LUZP2: variants seen among roughly 807,000 people sequenced by gnomAD.
LUZP2 encodes the protein leucine zipper protein 2.
Under a neutral mutation model 51.6 loss-of-function variants are expected in LUZP2, and 52 were observed. That is an observed-to-expected ratio of 1.01 (90% CI 0.81 to 1.27). The LOEUF is 1.27. Ranked by LOEUF, LUZP2 falls within the 50% of genes most tolerant of loss-of-function variation. The pLI, the probability that LUZP2 is intolerant of heterozygous loss-of-function variation, is 0.00. For missense variants in LUZP2, 436 were observed against 395.4 expected, an observed-to-expected ratio of 1.10 and a Z score of -0.87; for synonymous variants, 154 against 137.3, an observed-to-expected ratio of 1.12 and a Z score of -0.85.
intron 3 of LUZP2, among the ~76,000 whole-genome samples, chr11:24,737,323 G>T (rs948770107): frequency 6.6e-6 from 1 of 151,944 alleles, no homozygotes; most frequent in Non-Finnish European, 1.5e-5. Context: ...TAATCTTTTG[G>T]CACTAGATTG....
At chr11:24,862,399 C>T (rs929696988) in intron 5 of LUZP2, among the ~76,000 whole-genome samples, 11 of 152,142 alleles carry the variant, frequency 7.2e-5, no homozygotes, top group African/African-American at 2.7e-4. Context: ...CTGAAGGAAG[C>T]ACTTAATATG....
intron 9 of LUZP2, among the ~76,000 whole-genome samples, chr11:25,013,751 A>G (rs754307953): frequency 6.6e-6 from 1 of 151,066 alleles, no homozygotes; most frequent in Non-Finnish European, 1.5e-5. Context: ...TTTATTTATT[A>G]TTCTTTTTTT....
rs71458922 is a variant in LUZP2 at position 24,566,334 on chromosome 11, T to A, written c.62+69029T>A. 8.8e-3 allele frequency among the ~76,000 whole-genome samples: 53 copies of A among 5,996 alleles called. 1 individual carries two copies. Among genetic ancestry groups the A allele is most frequent in the Admixed American group, 0.012 (8 of 680 alleles). The allele number at this position is 5,996 out of a possible 152,430, so 3.9% of individuals were successfully genotyped here. ...TATTGTATTATTTATTTATTTTTTT[T>A]TTTTTTTTTTTTTTGAGACGTAGTC... On this transcript the variant is annotated intron_variant, in intron 1 of 11. Coordinates refer to ENST00000336930, the MANE Select transcript of LUZP2 (RefSeq NM_001009909.4).
intron 1 of LUZP2, among the ~76,000 whole-genome samples, chr11:24,520,858 G>A (rs1850617339): frequency 6.6e-6 from 1 of 152,156 alleles, no homozygotes; most frequent in Non-Finnish European, 1.5e-5. Flanking sequence ...ATCATCCTTA[G>A]GCCAACCACC....
At chr11:24,966,130 T>G (rs1174519367) in intron 7 of LUZP2, among the ~76,000 whole-genome samples, 1 of 151,812 alleles carries the variant, frequency 6.6e-6, no homozygotes, top group Non-Finnish European at 1.5e-5. Context: ...AGCATTTTTG[T>G]ATTTTGAATA....
chr11:25,011,084 G>A (rs1856971600), intron 9 of LUZP2, among the ~76,000 whole-genome samples: 1 of 151,916 alleles, frequency 6.6e-6, no homozygotes, highest in African/African-American at 2.4e-5. Context: ...ATAGTTAATG[G>A]GTTAATTCTG....
intron 1 of LUZP2, among the ~76,000 whole-genome samples, chr11:24,677,107 A>AAT (rs35541693): frequency 0.19 from 28,240 of 152,006 alleles, 2,716 homozygotes; most frequent in East Asian, 0.32. Context: ...GTATATATCA[A>AAT]ATATATATCA....
At chr11:25,023,398 C>A (rs1183479051) in intron 9 of LUZP2, among the ~76,000 whole-genome samples, 2 of 152,026 alleles carry the variant, frequency 1.3e-5, no homozygotes, top group Non-Finnish European at 2.9e-5. Flanking sequence ...GGAATTTAAC[C>A]ATTTCTTCTA....
At chr11:24,982,698 A>G (rs1380878621) in intron 8 of LUZP2, among the ~76,000 whole-genome samples, 2 of 151,810 alleles carry the variant, frequency 1.3e-5, no homozygotes, top group Non-Finnish European at 2.9e-5. Flanking sequence ...AATAATCTGT[A>G]CAACAAACCC....
At chr11:24,780,702 C>A (rs190284428) in intron 5 of LUZP2, among the ~76,000 whole-genome samples, 1 of 152,072 alleles carries the variant, frequency 6.6e-6, no homozygotes, top group Non-Finnish European at 1.5e-5. Flanking sequence ...CATTATGTCA[C>A]TCAATTTGAA....
rs116006451 is a variant in LUZP2, at chr11:24,532,983, T to C, written c.62+35678T>C. On this transcript the variant is annotated intron_variant, in intron 1 of 11. Transcript: ENST00000336930. ...TAATAAAATTAGATTTCCTGAGGGC[T>C]ACATCTTCTACAGTCAATTTGTTCT... is the stretch of plus-strand genomic sequence containing the variant. 9.9e-3 allele frequency among the ~76,000 whole-genome samples: 1,500 copies of C among 151,328 alleles called. 21 individuals are homozygous for C. Among genetic ancestry groups the C allele is most frequent in the African/African-American group, 0.034 (1,423 of 41,464 alleles).
At chr11:24,769,865 T>C (rs1001375946) in intron 5 of LUZP2, among the ~76,000 whole-genome samples, 1 of 151,748 alleles carries the variant, frequency 6.6e-6, no homozygotes, top group African/African-American at 2.4e-5. Context: ...CCATCATGGC[T>C]CACTGCAACC....
chr11:24,768,943 A>G (rs1860296543), intron 5 of LUZP2, among the ~76,000 whole-genome samples: 1 of 152,260 alleles, frequency 6.6e-6, no homozygotes. Context: ...AGATGTCTGC[A>G]CACTCATGTT....
At chr11:24,984,267 G>A (rs1309387954) in intron 9 of LUZP2, among the ~76,000 whole-genome samples, 2 of 151,136 alleles carry the variant, frequency 1.3e-5, no homozygotes, top group East Asian at 2.0e-4. Flanking sequence ...GCTTACTTCT[G>A]AGATTTCCTA....
chr11:25,000,435 G>A (rs1031922099), intron 9 of LUZP2, among the ~76,000 whole-genome samples: 1 of 152,182 alleles, frequency 6.6e-6, no homozygotes, highest in Middle Eastern at 3.2e-3. Flanking sequence ...GAAAGGGCCA[G>A]AGGATTGGTC....
chr11:24,828,648 C>T (rs1277176192), intron 5 of LUZP2, among the ~76,000 whole-genome samples: 1 of 151,574 alleles, frequency 6.6e-6, no homozygotes, highest in Non-Finnish European at 1.5e-5. Flanking sequence ...TGTGTCATAA[C>T]CTGCGTGAAT....
intron 5 of LUZP2, among the ~76,000 whole-genome samples, chr11:24,879,204 A>G (rs752615274): frequency 2.0e-5 from 3 of 152,090 alleles, no homozygotes; most frequent in Non-Finnish European, 2.9e-5. Context: ...TAGGCCTCCC[A>G]AAGTACTGGG....
chr11:24,623,739 C>T (rs112183295), intron 1 of LUZP2, among the ~76,000 whole-genome samples: 133 of 152,090 alleles, frequency 8.7e-4, no homozygotes, highest in Non-Finnish European at 1.3e-3. Flanking sequence ...CCCTGCTACT[C>T]GGGAGGCTGA....
At chr11:25,002,342 G>A (rs1398692746) in intron 9 of LUZP2, among the ~76,000 whole-genome samples, 2 of 152,164 alleles carry the variant, frequency 1.3e-5, no homozygotes, top group Non-Finnish European at 2.9e-5. Flanking sequence ...ATCATCTCGG[G>A]CAGCATAAGT....
Sources: gnomAD v4.1 joint callset for allele counts (sites outside exome capture counted in the v4.1 genomes callset) on GRCh38, gnomAD v4.1.1 for gene constraint, MANE v1.5 for transcripts, NCBI Gene and HGNC (gene_info 2026-07-23, HGNC 2026-07-21) for gene names.